STARD13: variants seen among roughly 807,000 people sequenced by gnomAD.
STARD13 encodes the protein StAR related lipid transfer domain containing 13.
A neutral mutation model predicts 106.4 loss-of-function variants in STARD13; 62 were observed. That is an observed-to-expected ratio of 0.58 (90% CI 0.48 to 0.72). The LOEUF is 0.72. STARD13 is among the 30% of genes least tolerant of loss of function. STARD13 has a pLI of 0.00. For synonymous variants in STARD13, 565 were observed against 553.0 expected, an observed-to-expected ratio of 1.02 and a Z score of -0.31; for missense variants, 1,387 against 1,424.0, an observed-to-expected ratio of 0.97 and a Z score of 0.42.
chr13:33,628,329 A>C, the STARD13 span, among the ~76,000 whole-genome samples: 1 of 152,190 alleles, frequency 6.6e-6, no homozygotes, highest in Non-Finnish European at 1.5e-5. Context: ...ATTAATAACA[A>C]GCCTGGTCAC....
chr13:33,350,443 G>A lies in STARD13; in HGVS notation c.-30C>T, dbSNP rs557193785. 69 of 1,517,390 alleles carry A rather than the reference G, an allele frequency of 4.5e-5. No individual in the cohort carries two copies. In the Admixed American group the frequency reaches 5.6e-4, roughly 12 times the overall value. 94.0% of individuals were successfully genotyped at this position (1,517,390 alleles called of 1,614,324 possible). A position where few individuals can be genotyped will look rare whatever the true frequency, so the allele number is the denominator to read the frequency against. On this transcript the variant is annotated 5_prime_UTR_variant, in exon 1 of 2. Coordinates refer to the STARD13 transcript ENST00000439831. ...GATCCGTCCTCATAACGACCGGCGG[G>A]CTCTCCACCGCCACTCCCGCGTGGC... is the stretch of plus-strand genomic sequence containing the variant.
chr13:33,647,098 A>T, the STARD13 span, among the ~76,000 whole-genome samples: 4 of 152,140 alleles, frequency 2.6e-5, no homozygotes, highest in East Asian at 7.7e-4. Flanking sequence ...ATGTTTTTGC[A>T]TTTTACTAAT....
intron 3 of STARD13, among the ~76,000 whole-genome samples, chr13:33,143,350 C>A (rs550823016): frequency 2.0e-5 from 3 of 152,060 alleles, no homozygotes; most frequent in African/African-American, 7.2e-5. Flanking sequence ...TTTGCTTCTT[C>A]TTGGTCATTG....
the STARD13 span, among the ~76,000 whole-genome samples, chr13:33,356,522 C>G: frequency 6.6e-6 from 1 of 152,144 alleles, no homozygotes; most frequent in Non-Finnish European, 1.5e-5. Context: ...ACCATGGCTC[C>G]GCACCTACTA....
the STARD13 span, chr13:33,611,326 C>G: frequency 6.6e-6 from 1 of 152,240 alleles, no homozygotes; most frequent in Non-Finnish European, 1.5e-5. Context: ...GATTGTGCAA[C>G]TTGTCTCTGG....
chr13:33,605,470 A>G, the STARD13 span, among the ~76,000 whole-genome samples: 7 of 151,680 alleles, frequency 4.6e-5, no homozygotes, highest in Non-Finnish European at 1.0e-4. Flanking sequence ...ATCAAAGACC[A>G]ACACTTTTGT....
the STARD13 span, among the ~76,000 whole-genome samples, chr13:33,387,735 C>T: frequency 6.6e-6 from 1 of 152,234 alleles, no homozygotes; most frequent in Non-Finnish European, 1.5e-5. Context: ...TTTCACTTAG[C>T]ACCTTCCACC....
At chr13:33,166,302 G>A (rs1197568124) in intron 2 of STARD13, among the ~76,000 whole-genome samples, 1 of 152,170 alleles carries the variant, frequency 6.6e-6, no homozygotes, top group Non-Finnish European at 1.5e-5. Context: ...GTGAGGGAGG[G>A]AGGGAGACAC....
chr13:33,350,593 G>A, exon 1 of STARD13: 2 of 1,385,990 alleles, frequency 1.4e-6, no homozygotes, highest in Non-Finnish European at 1.9e-6. Flanking sequence ...CGCGAGGACC[G>A]GGATGCCTGG....
At chr13:33,503,525 A>G in the STARD13 span, among the ~76,000 whole-genome samples, 1 of 152,230 alleles carries the variant, frequency 6.6e-6, no homozygotes, top group Admixed American at 6.5e-5. Context: ...ATTTAGTGCT[A>G]TAAATTTCCC....
chr13:33,584,575 T>A, the STARD13 span, among the ~76,000 whole-genome samples: 1 of 152,120 alleles, frequency 6.6e-6, no homozygotes, highest in East Asian at 1.9e-4. Context: ...TAAAGTGATA[T>A]CTCATTGTGG....
At chr13:33,500,742 G>A in the STARD13 span, among the ~76,000 whole-genome samples, 1 of 152,070 alleles carries the variant, frequency 6.6e-6, no homozygotes, top group Non-Finnish European at 1.5e-5. Flanking sequence ...TATTAAAGTA[G>A]AACCAACTAC....
intron 1 of STARD13, among the ~76,000 whole-genome samples, chr13:33,225,784 T>G (rs1358475915): frequency 6.6e-6 from 1 of 152,216 alleles, no homozygotes; most frequent in African/African-American, 2.4e-5. Flanking sequence ...TATTAATATG[T>G]GATTTCCTTC....
the STARD13 span, among the ~76,000 whole-genome samples, chr13:33,461,420 C>T: frequency 6.6e-6 from 1 of 152,130 alleles, no homozygotes; most frequent in South Asian, 2.1e-4. Flanking sequence ...CTCATACCAG[C>T]CACATAAAGT....
At chr13:33,425,894 G>A in the STARD13 span, among the ~76,000 whole-genome samples, 1 of 152,294 alleles carries the variant, frequency 6.6e-6, no homozygotes, top group South Asian at 2.1e-4. Context: ...TAAGACATCC[G>A]AAGTAACCTG....
chr13:33,550,977 A>G, the STARD13 span, among the ~76,000 whole-genome samples: 61 of 152,336 alleles, frequency 4.0e-4, no homozygotes, highest in Non-Finnish European at 7.5e-4. Context: ...TTTCTGTGCT[A>G]TAGATAAGTA....
At chr13:33,367,164 AT>A in the STARD13 span, among the ~76,000 whole-genome samples, 2 of 152,328 alleles carry the variant, frequency 1.3e-5, no homozygotes, top group East Asian at 3.9e-4. Flanking sequence ...GGAAAAGCAT[AT>A]TTTTTATCAG....
At chr13:33,426,238 C>T in the STARD13 span, among the ~76,000 whole-genome samples, 1 of 152,158 alleles carries the variant, frequency 6.6e-6, no homozygotes, top group Admixed American at 6.5e-5. Flanking sequence ...TTTGTTTCTA[C>T]CCTGTCCTAT....
At chr13:33,127,715 A>T (rs973301590) in intron 5 of STARD13, among the ~76,000 whole-genome samples, 169 bp from the exon 6 acceptor site, 3 of 152,178 alleles carry the variant, frequency 2.0e-5, no homozygotes, top group African/African-American at 7.2e-5. Context: ...ATAGGACATG[A>T]TTTTTCCAAG....
Sources: gnomAD v4.1 joint callset for allele counts (sites outside exome capture counted in the v4.1 genomes callset) on GRCh38, gnomAD v4.1.1 for gene constraint, MANE v1.5 for transcripts, NCBI Gene and HGNC (gene_info 2026-07-23, HGNC 2026-07-21) for gene names.